Variants in BRINP3 observed in about 807,000 individuals in gnomAD.
BRINP3 encodes the protein BMP/retinoic acid inducible neural specific 3.
Under a neutral mutation model 71.0 loss-of-function variants are expected in BRINP3, and 19 were observed. The observed-to-expected ratio is 0.27, with a 90% confidence interval of 0.19 to 0.39. The LOEUF is 0.39. Among genes scored for constraint, BRINP3 ranks in the 10% least tolerant of loss-of-function variants. BRINP3 has a pLI of 1.00. For synonymous variants in BRINP3, 380 were observed against 337.7 expected (o/e 1.13, Z -1.37); for missense variants, 959 against 940.8 (o/e 1.02, Z -0.25).
At chr1:190,401,515 A>G (rs1671927770) in intron 2 of BRINP3, among the ~76,000 whole-genome samples, 1 of 152,094 alleles carries the variant, frequency 6.6e-6, no homozygotes, top group African/African-American at 2.4e-5. Context: ...AGTGTGATAC[A>G]TGAGCTAGTA....
intron 2 of BRINP3, among the ~76,000 whole-genome samples, chr1:190,422,710 C>T (rs973923483): frequency 6.6e-6 from 1 of 151,738 alleles, no homozygotes; most frequent in African/African-American, 2.4e-5. Context: ...CTTTTTGAAG[C>T]GTGAGACTAG....
chr1:190,130,324 C>G (rs1450048935), intron 7 of BRINP3, among the ~76,000 whole-genome samples: 2 of 151,932 alleles, frequency 1.3e-5, no homozygotes, highest in Admixed American at 6.6e-5. Context: ...TTGTTTGCTG[C>G]TTTGTTTTAC....
intron 7 of BRINP3, among the ~76,000 whole-genome samples, chr1:190,106,600 A>G (rs1436280373): frequency 1.3e-5 from 2 of 151,572 alleles, no homozygotes; most frequent in African/African-American, 2.4e-5. Context: ...AGGAAGCTAG[A>G]AAAGCAAGTG....
chr1:190,417,524 C>T (rs959514332), intron 2 of BRINP3, among the ~76,000 whole-genome samples: 9 of 151,830 alleles, frequency 5.9e-5, no homozygotes, highest in African/African-American at 1.7e-4. Flanking sequence ...TTTAATACTT[C>T]CCAGGAAGTT....
intron 2 of BRINP3, among the ~76,000 whole-genome samples, chr1:190,383,294 G>T (rs1357460782): frequency 6.6e-6 from 1 of 151,986 alleles, no homozygotes; most frequent in African/African-American, 2.4e-5. Flanking sequence ...GTCATTATTT[G>T]CCACCTTTAG....
intron 1 of BRINP3, among the ~76,000 whole-genome samples, chr1:190,476,471 G>C (rs974887336): frequency 3.9e-5 from 6 of 152,062 alleles, no homozygotes; most frequent in Non-Finnish European, 8.8e-5. Context: ...CAATTGTGAA[G>C]TAAAAGTAAA....
At chr1:190,158,264 T>C (rs1250367626) in intron 7 of BRINP3, among the ~76,000 whole-genome samples, 1 of 152,078 alleles carries the variant, frequency 6.6e-6, no homozygotes, top group African/African-American at 2.4e-5. Flanking sequence ...TCATGTAAGA[T>C]GTGACTTGCT....
intron 7 of BRINP3, among the ~76,000 whole-genome samples, chr1:190,110,001 C>T (rs1652528538): frequency 6.6e-6 from 1 of 152,158 alleles, no homozygotes; most frequent in South Asian, 2.1e-4. Flanking sequence ...TAGTAAGTCC[C>T]CTTTCATATG....
intron 7 of BRINP3, among the ~76,000 whole-genome samples, chr1:190,101,451 A>C (rs149361389): frequency 6.6e-6 from 1 of 152,274 alleles, no homozygotes; most frequent in East Asian, 1.9e-4. Flanking sequence ...TCAGTCTTAC[A>C]ATGCAGATGT....
intron 2 of BRINP3, among the ~76,000 whole-genome samples, chr1:190,298,472 A>G (rs1250716964): frequency 6.6e-6 from 1 of 151,076 alleles, no homozygotes; most frequent in Non-Finnish European, 1.5e-5. Flanking sequence ...TGTGCTATAC[A>G]TTTCTCTCTC....
Position 190,098,900 on chromosome 1 carries a change from G to C in BRINP3, c.1419C>G (p.Leu473=), listed in dbSNP as rs897050644. 3.7e-6 allele frequency: 6 copies of C among 1,614,076 alleles called. No individual in the cohort carries two copies. The African/African-American group carries it at 8.0e-5, about 22-fold the overall frequency. Residue 473 remains leucine (L), a synonymous_variant, in exon 8 of 8, where the codon CTC becomes CTG. Transcript: ENST00000367462. ...CNTGYMLSQG[L]CKPEVAESTD... ...TGGACTCGGCGACTTCAGGCTTGCA[G>C]AGCCCCTGGCTGAGCATGTAGCCGG...
At chr1:190,319,893 C>T (rs1419359907) in intron 2 of BRINP3, among the ~76,000 whole-genome samples, 2 of 152,038 alleles carry the variant, frequency 1.3e-5, no homozygotes, top group East Asian at 3.9e-4. Flanking sequence ...TATCTTTGCA[C>T]ATTTGACGCC....
intron 2 of BRINP3, among the ~76,000 whole-genome samples, chr1:190,405,641 G>T (rs990836626): frequency 6.6e-6 from 1 of 151,970 alleles, no homozygotes; most frequent in Non-Finnish European, 1.5e-5. Flanking sequence ...CAAGACACAG[G>T]CAGAGAAACG....
At chr1:190,325,409 T>C (rs1186082873) in intron 2 of BRINP3, among the ~76,000 whole-genome samples, 1 of 151,954 alleles carries the variant, frequency 6.6e-6, no homozygotes, top group Non-Finnish European at 1.5e-5. Context: ...TTAGCATACA[T>C]TGAAAAATGA....
At chr1:190,231,837 G>C (rs1376016091) in intron 5 of BRINP3, among the ~76,000 whole-genome samples, 2 of 151,590 alleles carry the variant, frequency 1.3e-5, no homozygotes, top group Non-Finnish European at 2.9e-5. Flanking sequence ...TTAAATCTTA[G>C]AGTTCTGTTC....
intron 2 of BRINP3, among the ~76,000 whole-genome samples, chr1:190,339,693 A>T (rs936592185): frequency 1.3e-5 from 2 of 151,926 alleles, no homozygotes; most frequent in African/African-American, 4.8e-5. Context: ...CTATTTAAAA[A>T]ATATTAAAAC....
rs7548837 is a variant in BRINP3, at chr1:190,324,718, T to C, written c.237-42968A>G. ...TAATATTTTAAATAATAGATATCCA[T>C]GTTTATATAATGAGATAAATAGAAA... On this transcript the variant is annotated intron_variant, in intron 2 of 7. Transcript: ENST00000367462. Among the ~76,000 whole-genome samples the C allele has an allele frequency of 1.6e-4, 25 of 151,916 alleles. No individual in the cohort carries two copies. In the East Asian group the frequency reaches 3.5e-3, roughly 21 times the overall value.
intron 7 of BRINP3, among the ~76,000 whole-genome samples, chr1:190,109,360 T>C (rs1461007473): frequency 2.0e-5 from 3 of 152,236 alleles, no homozygotes. Flanking sequence ...AAAGTCATTC[T>C]GGACATAGTT....
At chr1:190,417,870 T>C (rs1673112191) in intron 2 of BRINP3, among the ~76,000 whole-genome samples, 1 of 152,210 alleles carries the variant, frequency 6.6e-6, no homozygotes, top group Non-Finnish European at 1.5e-5. Context: ...CAAAAATAGT[T>C]GTTTCCTTTT....
Sources: allele counts gnomAD v4.1 joint callset (sites outside exome capture counted in the v4.1 genomes callset), GRCh38; gene constraint gnomAD v4.1.1; transcripts MANE v1.5; gene names NCBI Gene and HGNC (gene_info 2026-07-23, HGNC 2026-07-21).